Variants in SHROOM3 observed in about 807,000 individuals in gnomAD.
SHROOM3 encodes protein Shroom3.
A neutral mutation model predicts 138.6 loss-of-function variants in SHROOM3; 47 were observed. The ratio of observed to expected loss-of-function variants is 0.34; its 90% CI spans 0.27 to 0.43. The LOEUF (loss-of-function observed/expected upper bound fraction) is 0.43. SHROOM3 is among the 20% of genes least tolerant of loss of function. SHROOM3 has a pLI of 1.00. For synonymous variants in SHROOM3, 1,062 were observed against 1,063.3 expected (o/e 1.00, Z 0.02); for missense variants, 2,491 against 2,596.5 (o/e 0.96, Z 0.88).
rs115824525 is a variant in SHROOM3, at chr4:76,566,829, C to T, written c.323+11066C>T. ...GCTACCTCAAATATGTATTTTTTACCACCTGTCTCCTCATGGTTCTGTTGC... is the reference window on the plus strand; with the variant it reads ...GCTACCTCAAATATGTATTTTTTACTACCTGTCTCCTCATGGTTCTGTTGC... On this transcript the variant is annotated intron_variant, in intron 2 of 10. Coordinates refer to ENST00000296043, the MANE Select transcript of SHROOM3 (RefSeq NM_020859.4). Among the ~76,000 whole-genome samples the T allele has an allele frequency of 5.6e-3, 849 of 152,308 alleles. 11 individuals carry two copies. Among genetic ancestry groups the T allele is most frequent in the African/African-American group, 0.019 (809 of 41,578 alleles).
At chr4:76,518,074 G>A (rs68115908) in intron 1 of SHROOM3, among the ~76,000 whole-genome samples, 25,017 of 152,172 alleles carry the variant, frequency 0.16, 2,387 homozygotes, top group African/African-American at 0.24. Flanking sequence ...GGAAATATCT[G>A]TCAACCCTCA....
chr4:76,742,376 T>C (rs1721291955), intron 5 of SHROOM3, among the ~76,000 whole-genome samples: 1 of 152,146 alleles, frequency 6.6e-6, no homozygotes, highest in South Asian at 2.1e-4. Context: ...TGATAGTCAT[T>C]GGTTATTGAA....
rs570730489 is a variant in SHROOM3 at position 76,528,314 on chromosome 4, T to G, written c.169-27295T>G. ...GTTTAGAACTCAGTCAACTTAGTCT[T>G]TCTTTCTTTCCTTCTTCTTCTTCTT... On this transcript the variant is annotated intron_variant, in intron 1 of 10. Transcript: ENST00000296043. Among the ~76,000 whole-genome samples, 4 of 149,560 alleles carry G rather than the reference T, an allele frequency of 2.7e-5. No individual in the cohort carries two copies. In the East Asian group the frequency reaches 7.9e-4, roughly 30 times the overall value.
chr4:76,593,015 G>A (rs1196941787), intron 2 of SHROOM3, among the ~76,000 whole-genome samples: 1 of 152,056 alleles, frequency 6.6e-6, no homozygotes, highest in Admixed American at 6.5e-5. Context: ...GAGGGACTTG[G>A]GTCATAACTT....
At chr4:76,687,376 G>A (rs537355767) in intron 2 of SHROOM3, among the ~76,000 whole-genome samples, 2 of 152,326 alleles carry the variant, frequency 1.3e-5, no homozygotes, top group Admixed American at 6.5e-5. Flanking sequence ...TCTTAAGACA[G>A]GAACTAAAGG....
intron 2 of SHROOM3, among the ~76,000 whole-genome samples, chr4:76,686,243 C>A (rs553145711): frequency 6.6e-6 from 1 of 151,974 alleles, no homozygotes; most frequent in East Asian, 1.9e-4. Flanking sequence ...TGGTCTTGAG[C>A]AATCCTCCCA....
At chr4:76,562,023 C>CA (rs955274719) in intron 2 of SHROOM3, among the ~76,000 whole-genome samples, 12 of 151,490 alleles carry the variant, frequency 7.9e-5, no homozygotes, top group Admixed American at 2.0e-4. Context: ...AAAAACAAAA[C>CA]AAAAAAAACC....
chr4:76,634,098 TA>T (rs1183043088), intron 2 of SHROOM3, among the ~76,000 whole-genome samples: 1 of 152,196 alleles, frequency 6.6e-6, no homozygotes, highest in Admixed American at 6.5e-5. Context: ...ACTCTGCTAA[TA>T]AACTGTCCCT....
chr4:76,744,574 T>C (rs1420178413), intron 5 of SHROOM3, among the ~76,000 whole-genome samples: 6 of 152,230 alleles, frequency 3.9e-5, no homozygotes, highest in Non-Finnish European at 1.5e-5. Flanking sequence ...ATAACTATTG[T>C]GGTTATTATA....
chr4:76,479,564 A>G (rs1731561577), intron 1 of SHROOM3, among the ~76,000 whole-genome samples: 1 of 152,172 alleles, frequency 6.6e-6, no homozygotes, highest in African/African-American at 2.4e-5. Context: ...TCTTCAGGAT[A>G]TTATCCAGGA....
chr4:76,721,077 C>T (rs1342110019), intron 3 of SHROOM3, among the ~76,000 whole-genome samples: 1 of 151,620 alleles, frequency 6.6e-6, no homozygotes, highest in African/African-American at 2.4e-5. Flanking sequence ...TTTGGGAGGC[C>T]GAGGCGGGCG....
chr4:76,451,622 G>A (rs112458603), intron 1 of SHROOM3, among the ~76,000 whole-genome samples: 99 of 152,150 alleles, frequency 6.5e-4, no homozygotes, highest in African/African-American at 2.3e-3. Flanking sequence ...TGTGCTATGT[G>A]GATATATGCA....
chr4:76,550,112 G>A (rs1733319073), intron 1 of SHROOM3, among the ~76,000 whole-genome samples: 1 of 152,026 alleles, frequency 6.6e-6, no homozygotes, highest in African/African-American at 2.4e-5. Context: ...TATCAGTATA[G>A]GCTCTCTGAC....
intron 1 of SHROOM3, among the ~76,000 whole-genome samples, chr4:76,483,743 C>G (rs1436954386): frequency 6.6e-6 from 1 of 152,136 alleles, no homozygotes; most frequent in Non-Finnish European, 1.5e-5. Flanking sequence ...GGAACTGACT[C>G]AAATACCCAT....
intron 1 of SHROOM3, among the ~76,000 whole-genome samples, chr4:76,480,171 C>T (rs780848845): frequency 7.2e-5 from 11 of 152,034 alleles, no homozygotes; most frequent in East Asian, 3.9e-4. Context: ...CTTAATAGAC[C>T]GATTAAAAGA....
At chr4:76,656,876 T>A (rs1485613739) in intron 2 of SHROOM3, among the ~76,000 whole-genome samples, 1 of 152,174 alleles carries the variant, frequency 6.6e-6, no homozygotes, top group Non-Finnish European at 1.5e-5. Context: ...AGGTGCTGAA[T>A]AAATACACAT....
intron 9 of SHROOM3, among the ~76,000 whole-genome samples, chr4:76,770,324 CA>C (rs529468839): frequency 0.011 from 391 of 36,080 alleles, 2 homozygotes; most frequent in African/African-American, 0.017. Context: ...AACTCTGTCT[CA>C]AAAAAAAAAA....
At chr4:76,592,027 C>T (rs1018123622) in intron 2 of SHROOM3, among the ~76,000 whole-genome samples, 3 of 152,098 alleles carry the variant, frequency 2.0e-5, no homozygotes, top group Non-Finnish European at 2.9e-5. Context: ...CAGAGAAGTA[C>T]ATCATATAAT....
intron 2 of SHROOM3, among the ~76,000 whole-genome samples, chr4:76,641,468 C>T (rs573057063): frequency 1.3e-5 from 2 of 152,024 alleles, no homozygotes; most frequent in Non-Finnish European, 2.9e-5. Context: ...AGGAAGGAAG[C>T]CTTTGTGTAC....
Sources: gnomAD v4.1 joint callset for allele counts (sites outside exome capture counted in the v4.1 genomes callset) on GRCh38, gnomAD v4.1.1 for gene constraint, MANE v1.5 for transcripts, NCBI Gene and HGNC (gene_info 2026-07-23, HGNC 2026-07-21) for gene names.